RAP1A: variants seen among roughly 807,000 people sequenced by gnomAD.
RAP1A encodes RAP1A, member of RAS oncogene family.
RAP1A carries 6 observed loss-of-function variants against 26.4 expected under a neutral mutation model. The ratio of observed to expected loss-of-function variants is 0.23; its 90% CI spans 0.12 to 0.45. The LOEUF (loss-of-function observed/expected upper bound fraction) is 0.45, where lower values mean the gene tolerates loss of function less well. Ranked by LOEUF, RAP1A falls within the 20% of genes least tolerant of loss-of-function variation. The pLI is 0.99. For synonymous variants in RAP1A, 73 were observed against 79.4 expected, an observed-to-expected ratio of 0.92 and a Z score of 0.43; for missense variants, 121 against 217.2, an observed-to-expected ratio of 0.56 and a Z score of 2.78.
In RAP1A at chr1:111,714,375, C is replaced by T. The variant is rs186200681; in HGVS notation, c.*1974C>T. The T allele has an allele frequency of 3.3e-5, 5 of 152,322 alleles. No homozygotes were observed. The highest frequency in any genetic ancestry group is 7.2e-5 in the African/African-American group (3 of 41,578). 9.4% of individuals were successfully genotyped at this position (152,322 alleles called of 1,614,324 possible). A position where few individuals can be genotyped will look rare whatever the true frequency, so the allele number is the denominator to read the frequency against. On this transcript the variant is annotated 3_prime_UTR_variant, in exon 8 of 8. Transcript: ENST00000369709. Reference sequence around the variant, plus strand: ...CTTTAAACTTAAGATCATAGACAGACATCTCATCAACCAGTAAAACTTTCT... The same window carrying T: ...CTTTAAACTTAAGATCATAGACAGATATCTCATCAACCAGTAAAACTTTCT...
chr1:111,648,808 G>T, intron 1 of RAP1A: 1 of 673,534 alleles, frequency 1.5e-6, no homozygotes, highest in Admixed American at 1.9e-5. Flanking sequence ...TTTCAAGCCA[G>T]CTCATTGTAT....
chr1:111,651,257 G>A (rs1005948772), intron 1 of RAP1A, among the ~76,000 whole-genome samples: 1 of 151,800 alleles, frequency 6.6e-6, no homozygotes, highest in African/African-American at 2.4e-5. Context: ...TGTAGTTGTG[G>A]GATTTAGAAA....
At chr1:111,621,366 ACTTT>A (rs1294155650) in intron 1 of RAP1A, among the ~76,000 whole-genome samples, 1 of 152,152 alleles carries the variant, frequency 6.6e-6, no homozygotes, top group Non-Finnish European at 1.5e-5. Context: ...TAGGCCCCAG[ACTTT>A]CTGTCTTTAT....
chr1:111,688,802 G>GTTTTTTTTTTTTTTTTTTTTT (rs1314370063), intron 1 of RAP1A, among the ~76,000 whole-genome samples: 1 of 125,784 alleles, frequency 8.0e-6, no homozygotes. Flanking sequence ...ATGGGTTTTT[G>GTTTTTTTTTTTTTTTTTTTTT]TTTTTGTTTT....
intron 1 of RAP1A, among the ~76,000 whole-genome samples, chr1:111,664,643 A>G (rs938191502): frequency 4.2e-4 from 64 of 152,210 alleles, no homozygotes; most frequent in African/African-American, 1.4e-3. Flanking sequence ...TTTTCTTTCC[A>G]TGTCCTGTCA....
intron 1 of RAP1A, among the ~76,000 whole-genome samples, chr1:111,605,504 T>G (rs1658752705): frequency 6.6e-6 from 1 of 152,198 alleles, no homozygotes; most frequent in African/African-American, 2.4e-5. Context: ...GTGGACTGAA[T>G]TTTTCATTTT....
At chr1:111,567,283 A>T (rs935823891) in intron 1 of RAP1A, among the ~76,000 whole-genome samples, 6 of 152,210 alleles carry the variant, frequency 3.9e-5, no homozygotes, top group African/African-American at 1.4e-4. Flanking sequence ...TGGGTATCTT[A>T]CACCAGCAGG....
rs112779833 is a variant in RAP1A, at chr1:111,661,756, G to A, written c.-27-29578G>A. 4.2e-3 allele frequency among the ~76,000 whole-genome samples: 628 copies of A among 147,768 alleles called. 5 individuals are homozygous for A. The highest frequency in any genetic ancestry group is 7.4e-3 in the Non-Finnish European group (497 of 67,174). ...GGAGCTTGCAGTGAGCCGAGATTGC[G>A]CCACTGCACTCCAGCCTGGGCGACA... is the stretch of plus-strand genomic sequence containing the variant. On this transcript the variant is annotated intron_variant, in intron 1 of 7. Coordinates refer to ENST00000369709, the MANE Select transcript of RAP1A (RefSeq NM_002884.4).
intron 1 of RAP1A, among the ~76,000 whole-genome samples, chr1:111,674,046 C>A (rs1217437541): frequency 1.3e-5 from 2 of 152,092 alleles, no homozygotes; most frequent in Non-Finnish European, 2.9e-5. Flanking sequence ...TCTCTGAGTT[C>A]TTTCCCTAGT....
intron 1 of RAP1A, chr1:111,599,522 A>G (rs1247852214): frequency 1.3e-5 from 2 of 152,220 alleles, no homozygotes; most frequent in Non-Finnish European, 2.9e-5. Context: ...TAATTAAAAC[A>G]CTGGCCATTG....
intron 1 of RAP1A, among the ~76,000 whole-genome samples, chr1:111,587,485 C>T (rs781559840): frequency 3.4e-4 from 52 of 152,250 alleles, no homozygotes; most frequent in Non-Finnish European, 2.5e-4. Flanking sequence ...CCTCTGCCTA[C>T]GCCTCAGGAA....
intron 1 of RAP1A, among the ~76,000 whole-genome samples, chr1:111,572,457 T>C (rs934527768): frequency 2.6e-5 from 4 of 152,246 alleles, no homozygotes; most frequent in Admixed American, 2.6e-4. Flanking sequence ...ACACTGAGAA[T>C]GGACAATGCT....
At chr1:111,576,599 T>TA (rs1557855893) in intron 1 of RAP1A, among the ~76,000 whole-genome samples, 1 of 152,196 alleles carries the variant, frequency 6.6e-6, no homozygotes, top group Non-Finnish European at 1.5e-5. Flanking sequence ...TTCCCTACCT[T>TA]AATAAGTACA....
At chr1:111,587,779 T>C (rs1235328090) in intron 1 of RAP1A, among the ~76,000 whole-genome samples, 3 of 152,168 alleles carry the variant, frequency 2.0e-5, no homozygotes, top group Non-Finnish European at 4.4e-5. Context: ...CTAAAGTCAC[T>C]AATTACCTGC....
chr1:111,606,335 C>A (rs1038193185), intron 1 of RAP1A, among the ~76,000 whole-genome samples: 1 of 148,430 alleles, frequency 6.7e-6, no homozygotes, highest in African/African-American at 2.5e-5. Flanking sequence ...GGATGAGGAA[C>A]CTTTAAAAAA....
At chr1:111,628,312 G>C (rs1659461636) in intron 1 of RAP1A, among the ~76,000 whole-genome samples, 1 of 152,216 alleles carries the variant, frequency 6.6e-6, no homozygotes. Context: ...GTGGCAGCAG[G>C]AGGGGAATGG....
At chr1:111,667,613 C>T (rs568510113) in intron 1 of RAP1A, among the ~76,000 whole-genome samples, 115 of 150,126 alleles carry the variant, frequency 7.7e-4, no homozygotes, top group African/African-American at 2.6e-3. Context: ...ACCTGGGAGG[C>T]GGAGGTTGCA....
At chr1:111,616,480 T>G (rs1444200633), upstream of RAP1A, among the ~76,000 whole-genome samples, 1 of 152,156 alleles carries the variant, frequency 6.6e-6, no homozygotes, top group Non-Finnish European at 1.5e-5. Context: ...CTAACCGCCT[T>G]ACTCACCCTT....
At chr1:111,636,921 C>T (rs929386963) in intron 1 of RAP1A, among the ~76,000 whole-genome samples, 3 of 152,062 alleles carry the variant, frequency 2.0e-5, no homozygotes, top group African/African-American at 7.2e-5. Context: ...TATTTCCTGT[C>T]TAGATTTCAT....
Sources: allele counts gnomAD v4.1 joint callset (sites outside exome capture counted in the v4.1 genomes callset), GRCh38; gene constraint gnomAD v4.1.1; transcripts MANE v1.5; gene names NCBI Gene and HGNC (gene_info 2026-07-23, HGNC 2026-07-21).